Variants in SPATA21 observed in about 807,000 individuals in gnomAD.
The protein encoded by SPATA21 is spermatogenesis-associated protein 21.
In SPATA21, 47 loss-of-function variants were observed where a neutral mutation model predicts 54.8. That is an observed-to-expected ratio of 0.86 (90% confidence interval 0.68 to 1.09). The LOEUF is 1.09. Ranked by LOEUF, SPATA21 falls within the 50% of genes least tolerant of loss-of-function variation. SPATA21 has a pLI of 0.00. For missense variants in SPATA21, 599 were observed against 596.4 expected (o/e 1.00, Z -0.05); for synonymous variants, 245 against 235.3 (o/e 1.04, Z -0.38).
At chr1:16,431,133 C>T (rs1262854237) in intron 3 of SPATA21, 3 of 1,286,904 alleles carry the variant, frequency 2.3e-6, no homozygotes, top group African/African-American at 3.0e-5. Context: ...GTTTTGTGTC[C>T]ATTTTTAACA....
intron 7 of SPATA21, 32 bp from the exon 8 acceptor site, chr1:16,405,136 G>T: frequency 6.3e-7 from 1 of 1,579,116 alleles, no homozygotes; most frequent in Admixed American, 1.9e-5. Context: ...GTGGAGTGGG[G>T]GCATTTCTTG....
chr1:16,421,634 C>A lies in SPATA21; in HGVS notation c.96-77G>T. On this transcript the variant is annotated intron_variant, in intron 4 of 12. Transcript: ENST00000335496. This position sits in a 1 kb window ranked among gnomAD's most constrained non-coding sequence, Gnocchi z 5.2. ...CCCCCCTGCCCTCCCCTCTCAGCCC[C>A]CAGGACACTCAGTTCCACCCCAGCC... 6.9e-7 allele frequency: 1 copy of A among 1,452,890 alleles called. No homozygotes were observed. Among genetic ancestry groups the A allele is most frequent in the South Asian group, 1.3e-5 (1 of 79,488 alleles). 90.0% of individuals were successfully genotyped at this position (1,452,890 alleles called of 1,614,324 possible).
chr1:16,427,380 C>T (rs1047706302), intron 3 of SPATA21, among the ~76,000 whole-genome samples: 3 of 152,032 alleles, frequency 2.0e-5, no homozygotes, highest in African/African-American at 7.2e-5. Context: ...TCTATTATCC[C>T]AGCCTTTCAC....
intron 3 of SPATA21, 155 bp downstream of exon 3, chr1:16,431,183 G>C: frequency 6.6e-7 from 1 of 1,507,436 alleles, no homozygotes; most frequent in Non-Finnish European, 8.9e-7. Flanking sequence ...GCCTGGGCAG[G>C]GGAAGGGAAA....
Position 16,414,835 on chromosome 1 carries a change from G to A in SPATA21, c.145-4792C>T, listed in dbSNP as rs1036469035. Among the ~76,000 whole-genome samples, 4 of 136,576 alleles carry A rather than the reference G, an allele frequency of 2.9e-5. No homozygotes were observed. In the Admixed American group the frequency reaches 3.1e-4, roughly 11 times the overall value. The allele number at this position is 136,576 out of a possible 152,430, so 89.6% of individuals were successfully genotyped here. ...TTAAACCTGGGAGGTGGAGGTTGAG[G>A]TGAGCCGAGATCACACCATTGCACT... On this transcript the variant is annotated intron_variant, in intron 5 of 12. Transcript: ENST00000335496.
intron 3 of SPATA21, among the ~76,000 whole-genome samples, chr1:16,426,579 A>ATATATATATATATATATATT (rs1401259793): frequency 2.8e-5 from 3 of 107,150 alleles, no homozygotes; most frequent in East Asian, 3.4e-4. Context: ...ATATATATAT[A>ATATATATATATATATATATT]TTTTTTTTTT....
At chr1:16,398,865 C>T in intron 12 of SPATA21, 43 bp from the exon 13 acceptor site, 3 of 1,585,338 alleles carry the variant, frequency 1.9e-6, no homozygotes, top group Non-Finnish European at 2.6e-6. Context: ...ACATGTGGCC[C>T]TTTCCCTATC....
In SPATA21 at chr1:16,399,531, A is replaced by G. The variant is rs771754341; in HGVS notation, c.1175-10T>C. On this transcript the variant is annotated splice_polypyrimidine_tract_variant and intron_variant, in intron 11 of 12. Transcript: ENST00000335496. ...CTCTGCAGGTTGGGAGCTGGTGAAG[A>G]AGGAGGCAGAAGGAGGAATGCTTCA... 1 of 1,609,666 alleles carries G rather than the reference A, an allele frequency of 6.2e-7. No individual in the cohort carries two copies. The highest frequency in any genetic ancestry group is 1.1e-5 in the South Asian group (1 of 90,454).
intron 7 of SPATA21, chr1:16,408,555 A>AG: frequency 1.0e-6 from 1 of 985,458 alleles, no homozygotes; most frequent in East Asian, 1.1e-4. Context: ...TGGCACAGGG[A>AG]GAGCGCTGGA....
At chr1:16,431,816 T>C (rs2086465375) in intron 2 of SPATA21, among the ~76,000 whole-genome samples, 2 of 152,316 alleles carry the variant, frequency 1.3e-5, no homozygotes, top group Middle Eastern at 6.8e-3. Context: ...CAAGGCTAAA[T>C]GCCTTTGGAA....
downstream of SPATA21, chr1:16,396,859 A>G (rs1444754693): frequency 1.3e-5 from 2 of 152,288 alleles, no homozygotes; most frequent in Non-Finnish European, 2.9e-5. Flanking sequence ...CAGCCTTATA[A>G]CTGTAAAGCC....
At chr1:16,414,893 C>CTAAAAA (rs2085954079) in intron 5 of SPATA21, among the ~76,000 whole-genome samples, 1 of 74,354 alleles carries the variant, frequency 1.3e-5, no homozygotes, top group African/African-American at 5.6e-5. Flanking sequence ...AACCTCATCT[C>CTAAAAA]AAAAAAAAAA....
Position 16,409,123 on chromosome 1 carries a change from T to A in SPATA21, c.668A>T (p.Glu223Val). Residue 223 changes from glutamate to valine, a missense_variant, in exon 7 of 13, where the codon GAG becomes GTG. By Grantham distance (121) the Glu-to-Val change is moderately radical (BLOSUM62 -2). Transcript: ENST00000335496. This position sits in a 1 kb window ranked among gnomAD's most constrained non-coding sequence, Gnocchi z 4.1. ...KSEEQLTLKQ[E>V]EAFRSYFEIF... ...CCTGACCTCCCTGCCCTCACCTTCC[T>A]CTTGCTTCAGGGTCAGTTGCTCCTC... 6.2e-7 allele frequency: 1 copy of A among 1,614,004 alleles called. No homozygotes were observed.
At chr1:16,431,272 C>T (rs778880291) in intron 3 of SPATA21, 66 bp downstream of exon 3, 11 of 1,613,854 alleles carry the variant, frequency 6.8e-6, no homozygotes, top group African/African-American at 2.7e-5. Context: ...ATGGGCTCAA[C>T]ACCAGCCCTC....
intron 8 of SPATA21, 71 bp downstream of exon 8, chr1:16,404,896 C>T: frequency 6.9e-6 from 10 of 1,455,314 alleles, no homozygotes; most frequent in Non-Finnish European, 9.1e-6. Context: ...GAGCCTCATG[C>T]AACTGCACAG....
Position 16,398,650 on chromosome 1 carries a change from A to T in SPATA21, c.*115T>A. On this transcript the variant is annotated 3_prime_UTR_variant, in exon 13 of 13. Coordinates refer to ENST00000335496, the MANE Select transcript of SPATA21 (RefSeq NM_198546.1). ...GGCAAGAGGCACAGAGGCTGAAGTT[A>T]TTGGTGTTTATTAGCTCACCAGGCC... 8.8e-7 allele frequency: 1 copy of T among 1,137,234 alleles called. No individual in the cohort carries two copies. The highest frequency in any genetic ancestry group is 1.3e-6 in the Non-Finnish European group (1 of 771,770). 70.4% of individuals were successfully genotyped at this position (1,137,234 alleles called of 1,614,324 possible). A position where few individuals can be genotyped will look rare whatever the true frequency, so the allele number is the denominator to read the frequency against.
rs1158851382 is a variant in SPATA21 at position 16,403,844 on chromosome 1, T to C, written c.884A>G (p.Glu295Gly). The part of the protein sequence containing the change: ...TDTRRFFCSV[E>G]QNALSDMAPH... ...AGCCATGTCCGACAGGGCGTTCTGT[T>C]CTGGAGACATGGGATAGTGGCTGCC... is the stretch of plus-strand genomic sequence containing the variant. The change falls in exon 10 of 13, where the codon GAA (glutamate) becomes GGA (glycine). Residue 295 changes from glutamate (E) to glycine (G), a missense_variant and splice_region_variant. Transcript: ENST00000335496. 1.2e-6 allele frequency: 2 copies of C among 1,609,952 alleles called. No individual in the cohort carries two copies. The highest frequency in any genetic ancestry group is 1.1e-5 in the South Asian group (1 of 90,514).
At chr1:16,399,002 G>T (rs183631658) in intron 12 of SPATA21, among the ~76,000 whole-genome samples, 180 bp from the exon 13 acceptor site, 1 of 152,294 alleles carries the variant, frequency 6.6e-6, no homozygotes, top group East Asian at 1.9e-4. Flanking sequence ...TTCCCCAGCG[G>T]CCTGGAGGGG....
chr1:16,434,873 T>A (rs1570234634), intron 1 of SPATA21, among the ~76,000 whole-genome samples: 1 of 151,758 alleles, frequency 6.6e-6, no homozygotes, highest in African/African-American at 2.4e-5. Context: ...TTATTTATTT[T>A]TTGAGACAGG....
Sources: allele counts gnomAD v4.1 joint callset (sites outside exome capture counted in the v4.1 genomes callset), GRCh38; gene constraint gnomAD v4.1.1; non-coding constraint Gnocchi (gnomAD v3.1); transcripts MANE v1.5; gene names NCBI Gene and HGNC (gene_info 2026-07-23, HGNC 2026-07-21).